Variants in TBCK observed in about 807,000 individuals in gnomAD.
The protein encoded by TBCK is TBC1 domain containing kinase.
In TBCK, 99 loss-of-function variants were observed where a neutral mutation model predicts 113.4. That is an observed-to-expected ratio of 0.87 (90% CI 0.74 to 1.03). The LOEUF (loss-of-function observed/expected upper bound fraction) is 1.03, where lower values mean the gene tolerates loss of function less well. Among genes scored for constraint, TBCK ranks in the 50% least tolerant of loss-of-function variants. The pLI, the probability that TBCK is intolerant of heterozygous loss-of-function variation, is 0.00. For synonymous variants in TBCK, 369 were observed against 370.8 expected, an observed-to-expected ratio of 1.00 and a Z score of 0.05; for missense variants, 1,045 against 1,061.3, an observed-to-expected ratio of 0.98 and a Z score of 0.21.
At chr4:106,278,119 A>C (rs1479980366) in intron 3 of TBCK, among the ~76,000 whole-genome samples, 1 of 152,198 alleles carries the variant, frequency 6.6e-6, no homozygotes, top group Non-Finnish European at 1.5e-5. Context: ...AGAAAAAGTA[A>C]ATAAGGTAAT....
intron 3 of TBCK, among the ~76,000 whole-genome samples, chr4:106,263,489 T>A (rs1364742188): frequency 3.3e-5 from 5 of 151,880 alleles, no homozygotes; most frequent in African/African-American, 1.2e-4. Flanking sequence ...ACTAACAGAT[T>A]GCCATGGGCT....
rs1328097624 is a variant in TBCK, at chr4:106,220,840, C to T, written c.1775-8005G>A. ...TTCTTTAACTTTTTAATTTCTCCTT[C>T]CAATTAGTGGTGGTGTGTTTGTAAT... is the stretch of plus-strand genomic sequence containing the variant. On this transcript the variant is annotated intron_variant, in intron 19 of 25. Coordinates refer to ENST00000394708, the MANE Select transcript of TBCK (RefSeq NM_001163435.3). Among the ~76,000 whole-genome samples the T allele has an allele frequency of 3.3e-5, 5 of 152,244 alleles. No homozygotes were observed. In the East Asian group the frequency reaches 9.6e-4, roughly 29 times the overall value.
At chr4:106,232,089 C>T (rs1758915129) in intron 17 of TBCK, among the ~76,000 whole-genome samples, 1 of 151,754 alleles carries the variant, frequency 6.6e-6, no homozygotes, top group African/African-American at 2.4e-5. Context: ...TCTAAATGTA[C>T]AATCTTGGCA....
intron 25 of TBCK, among the ~76,000 whole-genome samples, chr4:106,085,308 G>T (rs1190420654): frequency 7.5e-6 from 1 of 133,468 alleles, no homozygotes; most frequent in African/African-American, 2.7e-5. Context: ...AAACAAAACG[G>T]GTTGCAATCT....
In TBCK at chr4:106,120,113, C is replaced by A. The variant is rs28814088; in HGVS notation, c.2236-3735G>T. Among the ~76,000 whole-genome samples the A allele has an allele frequency of 5.7e-3, 861 of 152,076 alleles. 4 individuals carry two copies. The highest frequency in any genetic ancestry group is 0.01 in the Non-Finnish European group (704 of 67,962). On this transcript the variant is annotated intron_variant, in intron 23 of 25. Coordinates refer to ENST00000394708, the MANE Select transcript of TBCK (RefSeq NM_001163435.3). ...GGCGCAGGTAAATGGGTGCGCGCAC[C>A]GTGCGCGAGCCGAAGCAGGGCAAGG...
intron 20 of TBCK, among the ~76,000 whole-genome samples, chr4:106,203,945 T>C (rs961540379): frequency 6.6e-6 from 1 of 152,144 alleles, no homozygotes. Flanking sequence ...TGAAAGTCTT[T>C]ATTGTTATTA....
rs1733901165 is a variant in TBCK, at chr4:106,042,013, CCT to C, written c.*4555_*4556del. ...AGGTTGTGTGTGAGCAATTACATAC[CCT>C]GTTAAATGTCAAGTGTCAGTTAAAG... On this transcript the variant is annotated 3_prime_UTR_variant, in exon 26 of 26. Transcript: ENST00000394708. 1 of 152,070 alleles carries C rather than the reference CCT, an allele frequency of 6.6e-6. No homozygotes were observed. The highest frequency in any genetic ancestry group is 2.4e-5 in the African/African-American group (1 of 41,408). 9.4% of individuals were successfully genotyped at this position (152,070 alleles called of 1,614,324 possible). A position where few individuals can be genotyped will look rare whatever the true frequency, so the allele number is the denominator to read the frequency against.
intron 23 of TBCK, among the ~76,000 whole-genome samples, chr4:106,159,194 G>A (rs185859150): frequency 6.6e-6 from 1 of 152,172 alleles, no homozygotes; most frequent in East Asian, 1.9e-4. Flanking sequence ...CATGCTCAAT[G>A]GTGAAAGGCT....
intron 25 of TBCK, among the ~76,000 whole-genome samples, chr4:106,089,144 T>A (rs1236730682): frequency 9.2e-5 from 14 of 151,970 alleles, no homozygotes; most frequent in African/African-American, 3.4e-4. Context: ...TCAGGAAGCT[T>A]ACAATCCTGA....
chr4:106,155,355 G>T (rs1425494717), intron 23 of TBCK, among the ~76,000 whole-genome samples: 1 of 152,048 alleles, frequency 6.6e-6, no homozygotes, highest in African/African-American at 2.4e-5. Context: ...AAATGTGCTA[G>T]ATGTTCTATA....
In TBCK at chr4:106,063,525, A is replaced by G. The variant is rs565781081; in HGVS notation, c.2572-16845T>C. ...TGAAGTTATTTTGACTCTTTTGAAC[A>G]CATAATTGTAGAAGGATAATCTCAG... On this transcript the variant is annotated intron_variant, in intron 25 of 25. Coordinates refer to ENST00000394708, the MANE Select transcript of TBCK (RefSeq NM_001163435.3). Among the ~76,000 whole-genome samples, 5 of 152,076 alleles carry G rather than the reference A, an allele frequency of 3.3e-5. No homozygotes were observed. The East Asian group carries it at 9.7e-4, about 29-fold the overall frequency.
At position 106,042,832 on chromosome 4, in the gene TBCK, A is replaced by T. The variant is rs972748019; in HGVS notation, c.*3738T>A. Reference sequence around the variant, plus strand: ...ATCAGGAACTTACCCCAGACTTTCCACTGAACAACTCTGTCTGTAACAGAT... The same window carrying T: ...ATCAGGAACTTACCCCAGACTTTCCTCTGAACAACTCTGTCTGTAACAGAT... On this transcript the variant is annotated 3_prime_UTR_variant, in exon 26 of 26. Transcript: ENST00000394708. 2 of 148,688 alleles carry T rather than the reference A, an allele frequency of 1.3e-5. No individual in the cohort carries two copies. Among genetic ancestry groups the T allele is most frequent in the African/African-American group, 4.8e-5 (2 of 41,356 alleles). 9.2% of individuals were successfully genotyped at this position (148,688 alleles called of 1,614,324 possible). A position where few individuals can be genotyped will look rare whatever the true frequency, so the allele number is the denominator to read the frequency against.
chr4:106,163,012 C>T (rs1749967371), intron 23 of TBCK, among the ~76,000 whole-genome samples: 1 of 152,088 alleles, frequency 6.6e-6, no homozygotes. Context: ...ATTTTCCAAA[C>T]TTTTATGGTC....
At chr4:106,291,648 C>T (rs1001767807) in intron 3 of TBCK, among the ~76,000 whole-genome samples, 3 of 152,232 alleles carry the variant, frequency 2.0e-5, no homozygotes, top group Non-Finnish European at 2.9e-5. Flanking sequence ...CTTCATCAAA[C>T]GTGTTGACAC....
chr4:106,170,253 C>T (rs1342097903), intron 23 of TBCK, among the ~76,000 whole-genome samples: 1 of 152,070 alleles, frequency 6.6e-6, no homozygotes, highest in African/African-American at 2.4e-5. Flanking sequence ...AACTATAATG[C>T]AAATATTTAT....
intron 25 of TBCK, among the ~76,000 whole-genome samples, chr4:106,076,879 G>T (rs531145712): frequency 6.6e-6 from 1 of 152,240 alleles, no homozygotes; most frequent in African/African-American, 2.4e-5. Context: ...GAGGTGGGCA[G>T]ATTGCTTGAG....
intron 19 of TBCK, among the ~76,000 whole-genome samples, chr4:106,219,385 A>T (rs898478723): frequency 5.9e-5 from 9 of 151,616 alleles, no homozygotes; most frequent in Admixed American, 2.6e-4. Flanking sequence ...AAAAAATAAA[A>T]AAATAAAAAA....
chr4:106,082,901 G>A (rs1436966967), intron 25 of TBCK, among the ~76,000 whole-genome samples: 1 of 152,210 alleles, frequency 6.6e-6, no homozygotes, highest in African/African-American at 2.4e-5. Context: ...GGCAGTGAGT[G>A]AGCACACTAC....
intron 22 of TBCK, among the ~76,000 whole-genome samples, chr4:106,180,312 ACTTT>A (rs1324896433): frequency 2.0e-5 from 3 of 151,936 alleles, no homozygotes; most frequent in African/African-American, 7.2e-5. Context: ...TTTTGTAGAC[ACTTT>A]CTTCCTTTTA....
Sources: gnomAD v4.1 joint callset for allele counts (sites outside exome capture counted in the v4.1 genomes callset) on GRCh38, gnomAD v4.1.1 for gene constraint, MANE v1.5 for transcripts, NCBI Gene and HGNC (gene_info 2026-07-23, HGNC 2026-07-21) for gene names.